ALDH1A2: variants seen among roughly 807,000 people sequenced by gnomAD.
The protein encoded by ALDH1A2 is retinal dehydrogenase 2.
Under a neutral mutation model 60.3 loss-of-function variants are expected in ALDH1A2, and 27 were observed. The ratio of observed to expected loss-of-function variants is 0.45; its 90% confidence interval spans 0.33 to 0.62. The LOEUF (loss-of-function observed/expected upper bound fraction) is 0.62. Ranked by LOEUF, ALDH1A2 falls within the 20% of genes least tolerant of loss-of-function variation. The probability of loss-of-function intolerance (pLI) is 0.02; values close to 1 mark genes in which losing one functional copy is unlikely to be tolerated. For missense variants in ALDH1A2, 581 were observed against 643.8 expected, an observed-to-expected ratio of 0.90 and a Z score of 1.06; for synonymous variants, 289 against 232.4, an observed-to-expected ratio of 1.24 and a Z score of -2.21.
chr15:58,061,852 TATC>T (rs1395807803), intron 1 of ALDH1A2, among the ~76,000 whole-genome samples: 3 of 152,152 alleles, frequency 2.0e-5, no homozygotes, highest in South Asian at 2.1e-4. Context: ...GCATTATAAT[TATC>T]ATCATCATTA....
chr15:58,064,854 G>A lies in ALDH1A2; in HGVS notation c.117+680C>T, dbSNP rs1349187285. Among the ~76,000 whole-genome samples, 3 of 145,486 alleles carry A rather than the reference G, an allele frequency of 2.1e-5. No homozygotes were observed. In the South Asian group the frequency reaches 6.3e-4, roughly 31 times the overall value. Reference sequence around the variant, plus strand: ...TAGCAAACCCAAGATGTCAACGTTCGTTATAAAAAAAAAAAAGTAAGTTCT... The same window carrying A: ...TAGCAAACCCAAGATGTCAACGTTCATTATAAAAAAAAAAAAGTAAGTTCT... On this transcript the variant is annotated intron_variant, in intron 1 of 12. Transcript: ENST00000249750.
At chr15:58,026,734 C>T (rs548566066) in intron 1 of ALDH1A2, among the ~76,000 whole-genome samples, 6 of 152,180 alleles carry the variant, frequency 3.9e-5, no homozygotes, top group Non-Finnish European at 7.3e-5. Context: ...CCAGGTTCGG[C>T]GGGTCCCATG....
chr15:58,065,510 G>A, intron 1 of ALDH1A2, 24 bp downstream of exon 1: 3 of 1,576,040 alleles, frequency 1.9e-6, no homozygotes, highest in Non-Finnish European at 1.7e-6. Context: ...CTCCGTGGAC[G>A]ACGGGCGCTG....
intron 7 of ALDH1A2, among the ~76,000 whole-genome samples, chr15:57,969,458 C>A (rs1468809742): frequency 1.3e-5 from 2 of 152,154 alleles, no homozygotes; most frequent in African/African-American, 4.8e-5. Flanking sequence ...ATTACGCATA[C>A]AACAAAGGCC....
intron 7 of ALDH1A2, among the ~76,000 whole-genome samples, chr15:57,985,325 C>CCT (rs1212616261): frequency 6.6e-6 from 1 of 152,170 alleles, no homozygotes; most frequent in East Asian, 1.9e-4. Flanking sequence ...CCCTCAAATC[C>CCT]CTCTTTCTCT....
chr15:58,061,000 G>A (rs1897019743), intron 1 of ALDH1A2, among the ~76,000 whole-genome samples: 1 of 152,152 alleles, frequency 6.6e-6, no homozygotes, highest in Non-Finnish European at 1.5e-5. Context: ...CTTAAGCCTG[G>A]CTATGAGGAA....
intron 7 of ALDH1A2, among the ~76,000 whole-genome samples, chr15:57,986,951 G>A (rs1894724224): frequency 1.3e-5 from 2 of 152,106 alleles, no homozygotes; most frequent in East Asian, 1.9e-4. Flanking sequence ...CACCACGCCC[G>A]GCCACAGACA....
chr15:58,013,629 G>A (rs184885536), intron 3 of ALDH1A2, among the ~76,000 whole-genome samples: 3 of 152,214 alleles, frequency 2.0e-5, no homozygotes, highest in Admixed American at 2.0e-4. Context: ...GCACGTGCAC[G>A]TAATCCCAGC....
chr15:58,018,397 C>T (rs939409674), intron 1 of ALDH1A2, among the ~76,000 whole-genome samples: 9 of 151,946 alleles, frequency 5.9e-5, no homozygotes, highest in Non-Finnish European at 1.2e-4. Flanking sequence ...AGAATTCCAA[C>T]TACTAGATGT....
intron 5 of ALDH1A2, among the ~76,000 whole-genome samples, 192 bp from the exon 6 acceptor site, chr15:57,993,265 C>T (rs1400686852): frequency 6.6e-6 from 1 of 152,192 alleles, no homozygotes; most frequent in Non-Finnish European, 1.5e-5. Context: ...CTCTCCTTTT[C>T]TCTCTGACCA....
rs1893693037 is a variant in ALDH1A2, at chr15:57,960,826, G to A, written c.1428C>T (p.Ala476=). The A allele has an allele frequency of 1.2e-6, 2 of 1,613,874 alleles. No homozygotes were observed. The highest frequency in any genetic ancestry group is 1.7e-5 in the Admixed American group (1 of 60,000). ...CCCCAAAGGGGCTCTGGGCATTTAA[G>A]GCATTGTAACAATTGATCCTGAAAG... ...AGTVWINCYN[A]LNAQSPFGGF... is the part of the protein sequence containing the mutation. Residue 476 remains alanine (A), a synonymous_variant, in exon 12 of 13, where the codon GCC becomes GCT. Coordinates refer to ENST00000249750, the MANE Select transcript of ALDH1A2 (RefSeq NM_003888.4).
At chr15:57,964,400 T>C (rs996743163) in intron 8 of ALDH1A2, 3 of 254,178 alleles carry the variant, frequency 1.2e-5, no homozygotes, top group Non-Finnish European at 1.5e-5. Flanking sequence ...AGCAATGTAA[T>C]GGAGGGGCTA....
At chr15:57,965,642 A>T in intron 8 of ALDH1A2, 83 bp downstream of exon 8, 1 of 997,246 alleles carries the variant, frequency 1.0e-6, no homozygotes, top group Non-Finnish European at 1.6e-6. Flanking sequence ...ATCTTTTGCT[A>T]GTGTCCCATC....
At chr15:57,993,799 A>T (rs1030054186) in intron 5 of ALDH1A2, among the ~76,000 whole-genome samples, 4 of 152,210 alleles carry the variant, frequency 2.6e-5, no homozygotes, top group African/African-American at 9.6e-5. Flanking sequence ...TGATAATTTC[A>T]TTAAGAAAGA....
intron 3 of ALDH1A2, chr15:58,012,148 C>T (rs1265463315): frequency 6.6e-6 from 1 of 151,978 alleles, no homozygotes; most frequent in Non-Finnish European, 1.5e-5. Context: ...GGAAAAGAGA[C>T]CTGATCAGTG....
intron 3 of ALDH1A2, among the ~76,000 whole-genome samples, chr15:58,012,809 C>T (rs1595666517): frequency 6.6e-6 from 1 of 152,060 alleles, no homozygotes; most frequent in Admixed American, 6.5e-5. Context: ...AAAATGATTC[C>T]TTCCCCAGAA....
chr15:58,021,615 A>T lies in ALDH1A2; in HGVS notation c.118-7334T>A, dbSNP rs977542767. Among the ~76,000 whole-genome samples, 5 of 152,314 alleles carry T rather than the reference A, an allele frequency of 3.3e-5. No individual in the cohort carries two copies. In the East Asian group the frequency reaches 7.7e-4, roughly 24 times the overall value. On this transcript the variant is annotated intron_variant, in intron 1 of 12. Coordinates refer to ENST00000249750, the MANE Select transcript of ALDH1A2 (RefSeq NM_003888.4). ...GAGAGAACTTAACACTGGGCCCCAC[A>T]TCCTTTCTGAGACCTAAGCAGCTAC...
chr15:57,955,582 C>T lies in ALDH1A2; in HGVS notation c.1485-313G>A, dbSNP rs1436496931. ...GACTCTCAATTACTCAGAGAACTAC[C>T]ATCAGCCTTGGCCAGAGGGCACACA... On this transcript the variant is annotated intron_variant, in intron 12 of 12. Coordinates refer to ENST00000249750, the MANE Select transcript of ALDH1A2 (RefSeq NM_003888.4). Among the ~76,000 whole-genome samples the T allele has an allele frequency of 2.6e-5, 4 of 152,304 alleles. No individual in the cohort carries two copies. The East Asian group carries it at 5.8e-4, about 22-fold the overall frequency.
intron 1 of ALDH1A2, among the ~76,000 whole-genome samples, chr15:58,038,908 T>C (rs866839772): frequency 3.3e-5 from 5 of 151,772 alleles, no homozygotes; most frequent in African/African-American, 1.2e-4. Flanking sequence ...TCATCCAATG[T>C]TTTGGAAACG....
Sources: gnomAD v4.1 joint callset for allele counts (sites outside exome capture counted in the v4.1 genomes callset) on GRCh38, gnomAD v4.1.1 for gene constraint, MANE v1.5 for transcripts, NCBI Gene and HGNC (gene_info 2026-07-23, HGNC 2026-07-21) for gene names.